The following COL18A1 variants were observed in gnomAD, a reference collection of about 807,000 sequenced individuals.
COL18A1 encodes the protein collagen alpha-1(XVIII) chain.
Under a neutral mutation model 168.0 loss-of-function variants are expected in COL18A1, and 133 were observed. The ratio of observed to expected loss-of-function variants is 0.79; its 90% CI spans 0.69 to 0.91. The LOEUF (loss-of-function observed/expected upper bound fraction) is 0.91, where lower values mean the gene tolerates loss of function less well. Among genes scored for constraint, COL18A1 ranks in the 40% least tolerant of loss-of-function variants. The pLI is 0.00. For missense variants in COL18A1, 2,126 were observed against 1,925.4 expected, an observed-to-expected ratio of 1.10 and a Z score of -1.95; for synonymous variants, 949 against 809.0, an observed-to-expected ratio of 1.17 and a Z score of -2.94.
At position 45,480,739 on chromosome 21, in the gene COL18A1, G is replaced by A. The variant is rs2035862893; in HGVS notation, c.1492G>A (p.Val498Ile). Residue 498 changes from valine to isoleucine, a missense_variant, in exon 13 of 42, where the codon GTC becomes ATC. Transcript: ENST00000651438. ...GFPGPPGPPG[V>I]PGLPGEPGRF... ...CCCTGGACCTCCCGGACCCCCCGGT[G>A]TCCCAGGCCTGCCCGGCGAGCCAGG... The A allele has an allele frequency of 2.5e-6, 4 of 1,610,766 alleles. No individual in the cohort carries two copies. The highest frequency in any genetic ancestry group is 2.5e-6 in the Non-Finnish European group (3 of 1,179,924).
At position 45,456,511 on chromosome 21, in the gene COL18A1, C is replaced by T. The variant is rs765784537; in HGVS notation, c.107-11731C>T. 7.8e-6 allele frequency: 12 copies of T among 1,547,464 alleles called. No individual in the cohort carries two copies. In the East Asian group the frequency reaches 9.8e-5, roughly 13 times the overall value. On this transcript the variant is annotated intron_variant, in intron 2 of 41. Coordinates refer to ENST00000651438, the MANE Select transcript of COL18A1 (RefSeq NM_001379500.1). The stretch of plus-strand genomic sequence containing the variant: ...ACTCTGCCCTGCTCGGGGCTGACCC[C>T]GAGGCCCCCGCCGGTCGCTGCCTGC...
intron 2 of COL18A1, among the ~76,000 whole-genome samples, chr21:45,461,609 G>C (rs9306128): frequency 0.14 from 21,650 of 150,286 alleles, 1,916 homozygotes; most frequent in African/African-American, 0.24. Flanking sequence ...AGGCTTCCTT[G>C]CTAGCCACAT....
At position 45,495,352 on chromosome 21, in the gene COL18A1, C is replaced by T; in HGVS notation, c.2434-6C>T. The T allele has an allele frequency of 6.2e-7, 1 of 1,605,328 alleles. No homozygotes were observed. The highest frequency in any genetic ancestry group is 8.5e-7 in the Non-Finnish European group (1 of 1,175,604). ...AGCAGTCCCCACCCCCTGTGCTCCG[C>T]CCCAGGGTCGCCCCGGGATGAACGG... On this transcript the variant is annotated splice_region_variant and splice_polypyrimidine_tract_variant and intron_variant, in intron 28 of 41. Transcript: ENST00000651438.
intron 30 of COL18A1, 64 bp from the exon 31 acceptor site, chr21:45,496,986 G>A (rs1181483368): frequency 1.8e-6 from 2 of 1,132,012 alleles, no homozygotes; most frequent in Admixed American, 1.7e-5. Context: ...GGGGACCCCT[G>A]AGTGGTGGTG....
intron 2 of COL18A1, among the ~76,000 whole-genome samples, chr21:45,441,057 G>A (rs1473203369): frequency 1.3e-5 from 2 of 152,170 alleles, no homozygotes; most frequent in Non-Finnish European, 2.9e-5. Context: ...GGGGACACCC[G>A]CCTTTCCGCT....
At chr21:45,422,580 C>A in intron 2 of COL18A1, 1 of 472,726 alleles carries the variant, frequency 2.1e-6, no homozygotes, top group East Asian at 6.1e-5. Flanking sequence ...AGTCGCCGTC[C>A]TGTGCGGGTC....
intron 34 of COL18A1, 86 bp downstream of exon 34, chr21:45,504,642 C>T: frequency 3.3e-6 from 4 of 1,210,660 alleles, no homozygotes; most frequent in East Asian, 2.6e-5. Context: ...GCCTTCGACA[C>T]CCGCGAAGGC....
chr21:45,422,552 C>A, intron 2 of COL18A1: 2 of 511,182 alleles, frequency 3.9e-6, no homozygotes, highest in South Asian at 1.5e-5. Flanking sequence ...CCGGGCAGGG[C>A]AGCAAAAGGC....
At chr21:45,511,464 C>T (rs1385263815) in intron 41 of COL18A1, among the ~76,000 whole-genome samples, 3 of 152,190 alleles carry the variant, frequency 2.0e-5, no homozygotes, top group African/African-American at 7.2e-5. Context: ...GTGCCCCCGG[C>T]CCTCTGCTCA....
chr21:45,448,902 C>G lies in COL18A1; in HGVS notation c.107-19340C>G, dbSNP rs572615466. Reference sequence around the variant, plus strand: ...CCGCCTTCTTCCTAACGTGGCAGTCCAGCTGGGTTTCTATGGGGGTGTCTG... The same window carrying G: ...CCGCCTTCTTCCTAACGTGGCAGTCGAGCTGGGTTTCTATGGGGGTGTCTG... On this transcript the variant is annotated intron_variant, in intron 2 of 41. Transcript: ENST00000651438. 3.3e-5 allele frequency among the ~76,000 whole-genome samples: 5 copies of G among 152,190 alleles called. No individual in the cohort carries two copies. The East Asian group carries it at 9.7e-4, about 29-fold the overall frequency.
At position 45,487,707 on chromosome 21, in the gene COL18A1, C is replaced by T. The variant is rs1246122295; in HGVS notation, c.1896+198C>T. 5.5e-6 allele frequency: 4 copies of T among 722,318 alleles called. No individual in the cohort carries two copies. The East Asian group carries it at 1.1e-4, about 19-fold the overall frequency. The allele number at this position is 722,318 out of a possible 1,614,324, so 44.7% of individuals were successfully genotyped here. A position where few individuals can be genotyped will look rare whatever the true frequency, so the allele number is the denominator to read the frequency against. ...AGATGCCCCTTCATTGAACTAAAGTCACGGGGTGAGGGCCTGGTCTGCAAA... is the reference window on the plus strand; with the variant it reads ...AGATGCCCCTTCATTGAACTAAAGTTACGGGGTGAGGGCCTGGTCTGCAAA... On this transcript the variant is annotated intron_variant, in intron 17 of 41. Coordinates refer to ENST00000651438, the MANE Select transcript of COL18A1 (RefSeq NM_001379500.1).
Position 45,487,006 on chromosome 21 carries a change from A to T in COL18A1, c.1833+14A>T. 6.6e-7 allele frequency: 1 copy of T among 1,510,824 alleles called. No homozygotes were observed. Among genetic ancestry groups the T allele is most frequent in the South Asian group, 1.3e-5 (1 of 76,876 alleles). The allele number at this position is 1,510,824 out of a possible 1,614,324, so 93.6% of individuals were successfully genotyped here. ...CCCGCTGGATTTGTGAGTACCGCCTACACCTGACCCCCTGGAGAGCCGGGG... is the reference window on the plus strand; with the variant it reads ...CCCGCTGGATTTGTGAGTACCGCCTTCACCTGACCCCCTGGAGAGCCGGGG... On this transcript the variant is annotated intron_variant, in intron 16 of 41. Coordinates refer to ENST00000651438, the MANE Select transcript of COL18A1 (RefSeq NM_001379500.1).
intron 2 of COL18A1, among the ~76,000 whole-genome samples, chr21:45,410,963 C>G (rs1359880117): frequency 6.6e-6 from 1 of 152,234 alleles, no homozygotes; most frequent in African/African-American, 2.4e-5. Context: ...GTCCACACAC[C>G]CTATGGCCTC....
intron 37 of COL18A1, 153 bp downstream of exon 37, chr21:45,506,119 T>C: frequency 8.2e-7 from 1 of 1,213,008 alleles, no homozygotes; most frequent in Admixed American, 2.0e-5. Flanking sequence ...TAAAGTTTAG[T>C]AAAATACTTT....
At chr21:45,465,889 G>A (rs540253743) in intron 2 of COL18A1, among the ~76,000 whole-genome samples, 42 of 152,320 alleles carry the variant, frequency 2.8e-4, no homozygotes, top group African/African-American at 8.4e-4. Context: ...CGTGAGGGAT[G>A]CAGGACATTG....
chr21:45,489,676 C>A (rs1460268414), intron 19 of COL18A1, among the ~76,000 whole-genome samples, 155 bp downstream of exon 19: 1 of 151,960 alleles, frequency 6.6e-6, no homozygotes, highest in African/African-American at 2.4e-5. Flanking sequence ...TCAAAGGCAA[C>A]CCCCAGGATA....
chr21:45,440,157 C>T (rs890754427), intron 2 of COL18A1, among the ~76,000 whole-genome samples: 4 of 151,880 alleles, frequency 2.6e-5, no homozygotes, highest in African/African-American at 9.7e-5. Context: ...GGAACGTCGG[C>T]TGTGGCTGTG....
chr21:45,416,653 C>T (rs888910228), intron 2 of COL18A1, among the ~76,000 whole-genome samples: 4 of 152,160 alleles, frequency 2.6e-5, no homozygotes, highest in Non-Finnish European at 5.9e-5. Flanking sequence ...TCTTAGATTC[C>T]AGCTTAGGCT....
intron 2 of COL18A1, among the ~76,000 whole-genome samples, chr21:45,405,957 G>A (rs1032479766): frequency 2.0e-5 from 3 of 151,854 alleles, no homozygotes; most frequent in African/African-American, 7.3e-5. Context: ...TGTCCCCGCC[G>A]CCCTCAGGCC....
Sources: allele counts gnomAD v4.1 joint callset (sites outside exome capture counted in the v4.1 genomes callset), GRCh38; gene constraint gnomAD v4.1.1; transcripts MANE v1.5; gene names NCBI Gene and HGNC (gene_info 2026-07-23, HGNC 2026-07-21).